Variants in LRRTM4 observed in about 807,000 individuals in gnomAD.
LRRTM4 encodes the protein leucine-rich repeat transmembrane neuronal protein 4.
In LRRTM4, 25 loss-of-function variants were observed where a neutral mutation model predicts 47.6. The ratio of observed to expected loss-of-function variants is 0.53; its 90% confidence interval spans 0.38 to 0.73. LRRTM4 has a LOEUF of 0.73. LRRTM4 is among the 30% of genes least tolerant of loss of function. The pLI is 0.00. For synonymous variants in LRRTM4, 311 were observed against 269.5 expected (o/e 1.15, Z -1.51); for missense variants, 638 against 713.4 (o/e 0.89, Z 1.20).
At chr2:77,385,949 G>A (rs1478497835) in intron 3 of LRRTM4, among the ~76,000 whole-genome samples, 1 of 151,180 alleles carries the variant, frequency 6.6e-6, no homozygotes, top group African/African-American at 2.4e-5. Flanking sequence ...CAGAGATGGG[G>A]TTTCACCATG....
At chr2:76,914,799 G>T (rs1029046354) in intron 3 of LRRTM4, among the ~76,000 whole-genome samples, 2 of 151,954 alleles carry the variant, frequency 1.3e-5, no homozygotes, top group African/African-American at 4.8e-5. Flanking sequence ...ACCTAATTTT[G>T]TTTCTCACCA....
intron 3 of LRRTM4, among the ~76,000 whole-genome samples, chr2:77,400,877 A>G (rs778232507): frequency 6.6e-6 from 1 of 151,920 alleles, no homozygotes; most frequent in African/African-American, 2.4e-5. Flanking sequence ...TAAAAATGAT[A>G]TTAACATTTT....
chr2:77,400,051 C>T (rs976754921), intron 3 of LRRTM4, among the ~76,000 whole-genome samples: 9 of 151,690 alleles, frequency 5.9e-5, no homozygotes, highest in East Asian at 2.0e-4. Flanking sequence ...TGCCATCTGA[C>T]GCTCCCCTCC....
At chr2:76,866,390 G>T (rs1247450439) in intron 3 of LRRTM4, among the ~76,000 whole-genome samples, 1 of 152,156 alleles carries the variant, frequency 6.6e-6, no homozygotes, top group African/African-American at 2.4e-5. Flanking sequence ...CAGCTCTGCT[G>T]GTTACCTTTC....
At chr2:77,114,170 C>T (rs1671326948) in intron 3 of LRRTM4, among the ~76,000 whole-genome samples, 1 of 152,014 alleles carries the variant, frequency 6.6e-6, no homozygotes, top group South Asian at 2.1e-4. Context: ...GCTATGTCAT[C>T]AGGATGGCAC....
At chr2:76,840,228 T>C (rs1020894674) in intron 3 of LRRTM4, among the ~76,000 whole-genome samples, 6 of 152,188 alleles carry the variant, frequency 3.9e-5, no homozygotes, top group African/African-American at 1.4e-4. Context: ...TTTATTTTTT[T>C]CCCCAAAACT....
chr2:76,807,437 C>CACATAT (rs1558667459), intron 3 of LRRTM4, among the ~76,000 whole-genome samples: 5 of 34,300 alleles, frequency 1.5e-4, no homozygotes, highest in South Asian at 1.1e-3. Flanking sequence ...TATATATATA[C>CACATAT]GTATATACAT....
At chr2:76,809,116 T>G (rs1408499420) in intron 3 of LRRTM4, among the ~76,000 whole-genome samples, 1 of 152,190 alleles carries the variant, frequency 6.6e-6, no homozygotes, top group African/African-American at 2.4e-5. Context: ...AAAAAAAAAT[T>G]TAGAAAATAG....
intron 3 of LRRTM4, among the ~76,000 whole-genome samples, chr2:77,175,074 CTT>C (rs34057321): frequency 1.6e-3 from 219 of 138,348 alleles, no homozygotes; most frequent in Non-Finnish European, 1.9e-3. Flanking sequence ...TTTCTTTTTT[CTT>C]TTTTTTTTTT....
intron 3 of LRRTM4, among the ~76,000 whole-genome samples, chr2:77,420,971 G>A (rs1004224336): frequency 1.4e-4 from 21 of 149,692 alleles, no homozygotes; most frequent in African/African-American, 4.9e-4. Flanking sequence ...AAAAAGACAA[G>A]GCTCCTTGGA....
At chr2:77,158,178 T>C (rs1573019156) in intron 3 of LRRTM4, among the ~76,000 whole-genome samples, 1 of 152,150 alleles carries the variant, frequency 6.6e-6, no homozygotes, top group Admixed American at 6.6e-5. Context: ...TGTGTGGTGG[T>C]TGCAAGGGCG....
intron 3 of LRRTM4, among the ~76,000 whole-genome samples, chr2:76,904,847 A>G (rs1673768507): frequency 6.6e-6 from 1 of 152,206 alleles, no homozygotes; most frequent in African/African-American, 2.4e-5. Context: ...TGAGCTATTC[A>G]CTTGTCAAAA....
At chr2:77,159,533 A>G (rs1227495924) in intron 3 of LRRTM4, among the ~76,000 whole-genome samples, 1 of 151,780 alleles carries the variant, frequency 6.6e-6, no homozygotes, top group Admixed American at 6.6e-5. Flanking sequence ...GAAAAAAAAA[A>G]AAAGAAAAAA....
intron 3 of LRRTM4, among the ~76,000 whole-genome samples, chr2:77,052,525 C>T (rs1030769868): frequency 6.6e-6 from 1 of 151,912 alleles, no homozygotes; most frequent in Non-Finnish European, 1.5e-5. Context: ...CCATTAAGGG[C>T]CATGTTACTC....
chr2:77,126,726 G>A (rs1002298062), intron 3 of LRRTM4, among the ~76,000 whole-genome samples: 2 of 152,110 alleles, frequency 1.3e-5, no homozygotes, highest in Admixed American at 6.6e-5. Context: ...GAGTCCTAGG[G>A]GGTTGATTTA....
chr2:76,806,516 G>A (rs1675975092), intron 3 of LRRTM4, among the ~76,000 whole-genome samples: 1 of 152,092 alleles, frequency 6.6e-6, no homozygotes, highest in Admixed American at 6.5e-5. Context: ...AGCTGGCGGA[G>A]GTTGCAATGA....
At chr2:76,925,156 T>C (rs544222028) in intron 3 of LRRTM4, among the ~76,000 whole-genome samples, 8 of 152,298 alleles carry the variant, frequency 5.3e-5, no homozygotes, top group African/African-American at 1.9e-4. Flanking sequence ...CAGATTATTC[T>C]GAGTGGGCTT....
chr2:76,978,675 T>C (rs923314819), intron 3 of LRRTM4, among the ~76,000 whole-genome samples: 2 of 152,078 alleles, frequency 1.3e-5, no homozygotes, highest in African/African-American at 4.8e-5. Context: ...TCAACAGTAC[T>C]ACATTAAGAT....
Position 77,290,065 on chromosome 2 carries a change from A to C in LRRTM4, c.1551+228253T>G, listed in dbSNP as rs187944916. 6.2e-3 allele frequency among the ~76,000 whole-genome samples: 936 copies of C among 152,094 alleles called. 12 individuals are homozygous for C. The highest frequency in any genetic ancestry group is 0.021 in the African/African-American group (853 of 41,530). On this transcript the variant is annotated intron_variant, in intron 3 of 3. Transcript: ENST00000409884. ...GCAATCAAATATTTTATAGGCTAAA[A>C]CAGGATAAAAATCAATGAAACATAT...
Sources: allele counts gnomAD v4.1 joint callset (sites outside exome capture counted in the v4.1 genomes callset), GRCh38; gene constraint gnomAD v4.1.1; transcripts MANE v1.5; gene names NCBI Gene and HGNC (gene_info 2026-07-23, HGNC 2026-07-21).